The following FOXP2 variants were observed in gnomAD, a reference collection of about 807,000 sequenced individuals.
FOXP2 encodes the protein forkhead box P2.
In FOXP2, 12 loss-of-function variants were observed where a neutral mutation model predicts 115.8. The observed-to-expected ratio is 0.10, with a 90% CI of 0.07 to 0.17. FOXP2 has a LOEUF of 0.17. FOXP2 is among the 10% of genes least tolerant of loss of function. FOXP2 has a pLI of 1.00. For missense variants in FOXP2, 629 were observed against 843.5 expected (o/e 0.75, Z 3.15); for synonymous variants, 328 against 297.7 (o/e 1.10, Z -1.05).
intron 1 of FOXP2, among the ~76,000 whole-genome samples, chr7:114,256,088 A>G (rs138866877): frequency 3.7e-4 from 56 of 152,096 alleles, no homozygotes; most frequent in Admixed American, 9.2e-4. Context: ...TGCCATTCTG[A>G]TTGGCATGAG....
intron 3 of FOXP2, among the ~76,000 whole-genome samples, chr7:114,603,198 A>G (rs1444508888): frequency 6.6e-6 from 1 of 152,208 alleles, no homozygotes; most frequent in African/African-American, 2.4e-5. Context: ...GCTCAGGTGC[A>G]AAGACATCAG....
intron 10 of FOXP2, among the ~76,000 whole-genome samples, chr7:114,655,480 G>A (rs957356515): frequency 1.3e-5 from 2 of 152,060 alleles, no homozygotes; most frequent in South Asian, 2.1e-4. Context: ...TTAGATGAGC[G>A]ATTTAAAATG....
chr7:114,538,372 C>G, intron 3 of FOXP2: 2 of 1,302,526 alleles, frequency 1.5e-6, no homozygotes, highest in Non-Finnish European at 2.0e-6. Context: ...AGAGCAGAGA[C>G]GTAAATTTAA....
intron 1 of FOXP2, among the ~76,000 whole-genome samples, chr7:114,236,043 G>T (rs946412457): frequency 1.3e-5 from 2 of 152,142 alleles, no homozygotes; most frequent in South Asian, 4.1e-4. Context: ...ATCTATCCCT[G>T]ATTGCTTTGA....
rs539720949 is a variant in FOXP2 at position 114,609,180 on chromosome 7, T to G, written c.259-19360T>G. ...GTGAGCTGAGATTGCGCCACTGCAC[T>G]CCAGCCTGGATGACAGAGTGGGACT... On this transcript the variant is annotated intron_variant, in intron 3 of 16. Transcript: ENST00000350908. Among the ~76,000 whole-genome samples, 392 of 149,188 alleles carry G rather than the reference T, an allele frequency of 2.6e-3. 2 individuals carry two copies. The highest frequency in any genetic ancestry group is 4.9e-3 in the Non-Finnish European group (329 of 67,460).
At chr7:114,375,043 A>G (rs1195249006) in intron 2 of FOXP2, among the ~76,000 whole-genome samples, 1 of 152,000 alleles carries the variant, frequency 6.6e-6, no homozygotes, top group African/African-American at 2.4e-5. Flanking sequence ...CAGAAAAGTT[A>G]TATTTTATGC....
intron 2 of FOXP2, among the ~76,000 whole-genome samples, chr7:114,376,882 A>G (rs908413639): frequency 2.0e-5 from 3 of 152,222 alleles, no homozygotes; most frequent in Admixed American, 2.0e-4. Flanking sequence ...GGTGGAGTCA[A>G]ATTATGAAAG....
At chr7:114,481,009 C>A (rs982773375) in intron 2 of FOXP2, among the ~76,000 whole-genome samples, 1 of 151,170 alleles carries the variant, frequency 6.6e-6, no homozygotes, top group Non-Finnish European at 1.5e-5. Context: ...AAAACTAAAA[C>A]CCTCTAAAGT....
At chr7:114,524,935 T>G (rs116898169) in intron 2 of FOXP2, among the ~76,000 whole-genome samples, 1 of 152,128 alleles carries the variant, frequency 6.6e-6, no homozygotes, top group Non-Finnish European at 1.5e-5. Context: ...CACAATACAT[T>G]CATGAAATTA....
chr7:114,652,302 G>C lies in FOXP2; in HGVS notation c.1182+12G>C, dbSNP rs1389321720. ...AGTTAGAAATACAGGTTTGTTAAATGCTCACTTAATGGACTCTTCTTAGAT... is the reference window on the plus strand; with the variant it reads ...AGTTAGAAATACAGGTTTGTTAAATCCTCACTTAATGGACTCTTCTTAGAT... On this transcript the variant is annotated intron_variant, in intron 9 of 16. Coordinates refer to ENST00000350908, the MANE Select transcript of FOXP2 (RefSeq NM_014491.4). 6.2e-7 allele frequency: 1 copy of C among 1,610,944 alleles called. No homozygotes were observed.
chr7:114,404,228 A>G (rs750052529), intron 2 of FOXP2, among the ~76,000 whole-genome samples: 6 of 152,158 alleles, frequency 3.9e-5, no homozygotes, highest in South Asian at 4.1e-4. Flanking sequence ...TAGTTGACTT[A>G]GAGAAATGTC....
rs576618477 is a variant in FOXP2, at chr7:114,211,444, G to A, written c.-102+48356G>A. On this transcript the variant is annotated intron_variant, in intron 1 of 17. Transcript: ENST00000634411. ...CAGTCACCACTTTCCTTGGCTGAGG[G>A]TGGGGGTTCCTTTGGCTCTGTTCCG... Among the ~76,000 whole-genome samples the A allele has an allele frequency of 2.6e-5, 4 of 152,298 alleles. No individual in the cohort carries two copies. The East Asian group carries it at 7.7e-4, about 29-fold the overall frequency.
At position 114,378,871 on chromosome 7, in the gene FOXP2, C is replaced by A. The variant is rs140539477; in HGVS notation, c.-10-47631C>A. Among the ~76,000 whole-genome samples the A allele has an allele frequency of 1.4e-3, 205 of 146,182 alleles. 2 individuals are homozygous for A. Among genetic ancestry groups the A allele is most frequent in the Middle Eastern group, 3.5e-3 (1 of 286 alleles). ...TGATGTCTTCTTTAGATAAGCGTTT[C>A]TAACATCCATGATCAATTGTAAAAT... On this transcript the variant is annotated intron_variant, in intron 2 of 17. Transcript: ENST00000634411.
chr7:114,148,018 C>T (rs1431646221), intron 1 of FOXP2, among the ~76,000 whole-genome samples: 1 of 152,186 alleles, frequency 6.6e-6, no homozygotes, highest in African/African-American at 2.4e-5. Context: ...TGTTATTCTA[C>T]AAGCCATTCA....
intron 2 of FOXP2, among the ~76,000 whole-genome samples, chr7:114,493,169 T>C (rs1797148171): frequency 6.6e-6 from 1 of 152,220 alleles, no homozygotes; most frequent in Non-Finnish European, 1.5e-5. Context: ...TGTAATGGCC[T>C]TCTTTGTCTC....
chr7:114,197,868 A>AT lies in FOXP2; in HGVS notation c.-102+34795dup, dbSNP rs767425079. 5.2e-3 allele frequency among the ~76,000 whole-genome samples: 737 copies of AT among 141,296 alleles called. 2 individuals carry two copies. The highest frequency in any genetic ancestry group is 7.1e-3 in the Middle Eastern group (2 of 280). 92.7% of individuals were successfully genotyped at this position (141,296 alleles called of 152,430 possible). A position where few individuals can be genotyped will look rare whatever the true frequency, so the allele number is the denominator to read the frequency against. On this transcript the variant is annotated intron_variant, in intron 1 of 17. Transcript: ENST00000634411. ...GTAATAAAGGCCATTTTAATTTTTG[A>AT]TTTTTTTTTTTTTTTAGACAGGGTC...
rs571576498 is a variant in FOXP2, at chr7:114,467,719, A to T, written c.168+41040A>T. Among the ~76,000 whole-genome samples the T allele has an allele frequency of 4.3e-4, 65 of 152,286 alleles. 1 individual carries two copies. The South Asian group carries it at 0.01, about 24-fold the overall frequency. On this transcript the variant is annotated intron_variant, in intron 2 of 16. Transcript: ENST00000350908. ...GGAACAAGAAAACAAAGAAATAGAA[A>T]ATTAGAAAAATCAAAAGGAATTTAT...
chr7:114,507,793 T>C (rs923125333), intron 2 of FOXP2, among the ~76,000 whole-genome samples: 2 of 151,970 alleles, frequency 1.3e-5, no homozygotes, highest in Non-Finnish European at 2.9e-5. Flanking sequence ...CTATGTTCCA[T>C]AGATACCCCT....
chr7:114,300,648 C>T (rs1401950922), intron 2 of FOXP2, among the ~76,000 whole-genome samples: 1 of 151,912 alleles, frequency 6.6e-6, no homozygotes. Context: ...TTAGTAATAA[C>T]GATTTAATAT....
Sources: allele counts gnomAD v4.1 joint callset (sites outside exome capture counted in the v4.1 genomes callset), GRCh38; gene constraint gnomAD v4.1.1; transcripts MANE v1.5; gene names NCBI Gene and HGNC (gene_info 2026-07-23, HGNC 2026-07-21).